Variants in HEMK2 observed in about 807,000 individuals in gnomAD.
HEMK2 encodes the protein HemK methyltransferase 2, ETF1 glutamine and histone H4 lysine.
the HEMK2 span, among the ~76,000 whole-genome samples, chr21:28,749,440 A>G: frequency 3.9e-5 from 6 of 152,218 alleles, no homozygotes; most frequent in Non-Finnish European, 7.3e-5. Context: ...TGATTACCTC[A>G]AAGTCAGAGG....
chr21:28,742,760 T>C, the HEMK2 span, among the ~76,000 whole-genome samples: 1 of 152,114 alleles, frequency 6.6e-6, no homozygotes, highest in Non-Finnish European at 1.5e-5. Flanking sequence ...CATGGTGCCA[T>C]CTACAGTATT....
At chr21:28,862,931 C>G in the HEMK2 span, among the ~76,000 whole-genome samples, 16,901 of 152,122 alleles carry the variant, frequency 0.11, 1,443 homozygotes, top group African/African-American at 0.23. Context: ...AATTATGTTA[C>G]GTGTCATTAT....
the HEMK2 span, among the ~76,000 whole-genome samples, chr21:28,826,174 G>A: frequency 6.6e-6 from 1 of 152,210 alleles, no homozygotes; most frequent in Non-Finnish European, 1.5e-5. Context: ...ACACCCCGTA[G>A]ATGGAAGTCT....
chr21:28,665,477 T>C, the HEMK2 span, among the ~76,000 whole-genome samples: 1 of 143,302 alleles, frequency 7.0e-6, no homozygotes, highest in Admixed American at 7.0e-5. Context: ...AGGGATAGCA[T>C]TGGGAGATAT....
chr21:28,884,231 G>A, the HEMK2 span, among the ~76,000 whole-genome samples: 2 of 152,106 alleles, frequency 1.3e-5, no homozygotes, highest in Non-Finnish European at 2.9e-5. Flanking sequence ...ATCTTTCTGG[G>A]CTATCTTGAG....
At chr21:28,785,030 G>T in the HEMK2 span, among the ~76,000 whole-genome samples, 7 of 152,074 alleles carry the variant, frequency 4.6e-5, no homozygotes, top group Non-Finnish European at 7.4e-5. Flanking sequence ...CAGACAGGAG[G>T]AACGAACAAC....
the HEMK2 span, among the ~76,000 whole-genome samples, chr21:28,877,300 G>GGAAGGAAGGAAGGAAA: frequency 1.9e-5 from 2 of 106,200 alleles, no homozygotes; most frequent in Non-Finnish European, 4.0e-5. Context: ...AAGGAAGGAA[G>GGAAGGAAGGAAGGAAA]AGAGAGAGAA....
the HEMK2 span, among the ~76,000 whole-genome samples, chr21:28,623,248 G>A: frequency 5.3e-5 from 8 of 152,218 alleles, no homozygotes; most frequent in East Asian, 9.7e-4. Flanking sequence ...CATCATCACT[G>A]GTCATTAGGG....
At chr21:28,624,545 G>A in the HEMK2 span, among the ~76,000 whole-genome samples, 1 of 152,194 alleles carries the variant, frequency 6.6e-6, no homozygotes, top group Non-Finnish European at 1.5e-5. Context: ...TTTAGGGCAT[G>A]ATGACACCCA....
At chr21:28,627,507 GTAGTTGAAA>G in the HEMK2 span, among the ~76,000 whole-genome samples, 2 of 152,138 alleles carry the variant, frequency 1.3e-5, no homozygotes, top group Non-Finnish European at 2.9e-5. Context: ...GTAAGATGAA[GTAGTTGAAA>G]TGAATTATTT....
At chr21:28,874,078 T>A in the HEMK2 span, 1 of 152,260 alleles carries the variant, frequency 6.6e-6, no homozygotes. Context: ...GGCACTGCTA[T>A]ATAGCTGGTG....
At chr21:28,784,556 T>C in the HEMK2 span, among the ~76,000 whole-genome samples, 1 of 148,746 alleles carries the variant, frequency 6.7e-6, no homozygotes, top group Non-Finnish European at 1.5e-5. Flanking sequence ...GGTTTGTAAA[T>C]GCACCAATCA....
the HEMK2 span, among the ~76,000 whole-genome samples, chr21:28,799,855 G>C: frequency 1.3e-5 from 2 of 151,940 alleles, no homozygotes; most frequent in Non-Finnish European, 2.9e-5. Context: ...AAAATGTTTG[G>C]CATGCCCAAA....
the HEMK2 span, among the ~76,000 whole-genome samples, chr21:28,584,296 G>C: frequency 6.6e-6 from 1 of 152,118 alleles, no homozygotes; most frequent in African/African-American, 2.4e-5. Flanking sequence ...AGGGTGTCAG[G>C]AACTTGAATT....
the HEMK2 span, among the ~76,000 whole-genome samples, chr21:28,645,776 G>A: frequency 6.6e-6 from 1 of 152,118 alleles, no homozygotes; most frequent in Non-Finnish European, 1.5e-5. Flanking sequence ...ATCATGTGAG[G>A]ACACAAGTAG....
the HEMK2 span, among the ~76,000 whole-genome samples, chr21:28,669,222 G>A: frequency 6.6e-6 from 1 of 152,076 alleles, no homozygotes. Flanking sequence ...AGCCAGATGT[G>A]GTGGTACACA....
At chr21:28,624,065 TA>T in the HEMK2 span, among the ~76,000 whole-genome samples, 2 of 152,190 alleles carry the variant, frequency 1.3e-5, no homozygotes, top group Non-Finnish European at 2.9e-5. Flanking sequence ...TAGAAGGCTG[TA>T]AAACTGAGAA....
At chr21:28,643,268 G>A in the HEMK2 span, among the ~76,000 whole-genome samples, 1 of 152,324 alleles carries the variant, frequency 6.6e-6, no homozygotes, top group African/African-American at 2.4e-5. Flanking sequence ...GTGGCAGGAG[G>A]TTGGGACTTC....
the HEMK2 span, among the ~76,000 whole-genome samples, chr21:28,723,652 G>C: frequency 2.6e-5 from 4 of 152,130 alleles, no homozygotes; most frequent in Non-Finnish European, 5.9e-5. Flanking sequence ...TTACCTCTTG[G>C]AGCTTGTTTC....
Sources: gnomAD v4.1 joint callset for allele counts (sites outside exome capture counted in the v4.1 genomes callset) on GRCh38, gnomAD v4.1.1 for gene constraint, MANE v1.5 for transcripts, NCBI Gene and HGNC (gene_info 2026-07-23, HGNC 2026-07-21) for gene names.